SGCD: variants seen among roughly 807,000 people sequenced by gnomAD.
SGCD encodes the protein delta-sarcoglycan.
A neutral mutation model predicts 36.6 loss-of-function variants in SGCD; 18 were observed. The observed-to-expected ratio is 0.49, with a 90% CI of 0.34 to 0.73. The LOEUF (loss-of-function observed/expected upper bound fraction) is 0.73. SGCD is among the 30% of genes least tolerant of loss of function. The probability of loss-of-function intolerance (pLI) is 0.01; values close to 1 mark genes in which losing one functional copy is unlikely to be tolerated. For missense variants in SGCD, 387 were observed against 346.7 expected, an observed-to-expected ratio of 1.12 and a Z score of -0.92; for synonymous variants, 133 against 130.6, an observed-to-expected ratio of 1.02 and a Z score of -0.12.
chr5:156,639,755 C>T (rs1762959705), intron 6 of SGCD, among the ~76,000 whole-genome samples: 1 of 152,054 alleles, frequency 6.6e-6, no homozygotes, highest in South Asian at 2.1e-4. Flanking sequence ...ATAAACTGTT[C>T]CCTCCTTCTT....
intron 3 of SGCD, among the ~76,000 whole-genome samples, chr5:156,350,780 T>C (rs1451459363): frequency 6.6e-6 from 1 of 152,210 alleles, no homozygotes; most frequent in Non-Finnish European, 1.5e-5. Context: ...ATTTATTAAA[T>C]GTCTCTTCTG....
chr5:156,107,928 A>T (rs1761688914), intron 1 of SGCD, among the ~76,000 whole-genome samples: 1 of 152,160 alleles, frequency 6.6e-6, no homozygotes, highest in African/African-American at 2.4e-5. Context: ...GAATGAACAC[A>T]GTTGCCTCTT....
At chr5:156,711,337 G>A (rs1419039945) in intron 7 of SGCD, among the ~76,000 whole-genome samples, 1 of 152,194 alleles carries the variant, frequency 6.6e-6, no homozygotes, top group African/African-American at 2.4e-5. Flanking sequence ...GTGTCCACAT[G>A]GCCACCATTG....
chr5:155,984,965 C>T (rs561051351), intron 1 of SGCD, among the ~76,000 whole-genome samples: 4 of 152,152 alleles, frequency 2.6e-5, no homozygotes, highest in Non-Finnish European at 5.9e-5. Context: ...TAAAACTTAC[C>T]ACTATGCACC....
chr5:155,804,511 G>T, the SGCD span, among the ~76,000 whole-genome samples: 17 of 152,240 alleles, frequency 1.1e-4, no homozygotes, highest in East Asian at 3.1e-3. Context: ...TATCCACTGT[G>T]TGCCTTTCTT....
intron 7 of SGCD, among the ~76,000 whole-genome samples, chr5:156,718,976 C>T (rs1246629457): frequency 6.6e-6 from 1 of 152,144 alleles, no homozygotes; most frequent in African/African-American, 2.4e-5. Flanking sequence ...TCCTCCTCTA[C>T]TGCCTAACCC....
intron 3 of SGCD, among the ~76,000 whole-genome samples, chr5:156,393,260 G>A (rs1771677262): frequency 6.6e-6 from 1 of 152,102 alleles, no homozygotes; most frequent in South Asian, 2.1e-4. Context: ...CAAATGTTAG[G>A]GGTATTTATT....
chr5:155,738,874 TGAGA>T, the SGCD span, among the ~76,000 whole-genome samples: 478 of 148,448 alleles, frequency 3.2e-3, 1 homozygote, highest in South Asian at 7.8e-3. Flanking sequence ...TGAGTGCGTG[TGAGA>T]GAGAGTGTGT....
chr5:156,047,217 A>G (rs1759789122), intron 1 of SGCD, among the ~76,000 whole-genome samples: 1 of 152,200 alleles, frequency 6.6e-6, no homozygotes, highest in African/African-American at 2.4e-5. Flanking sequence ...AACCAACTCC[A>G]TCACATAAGA....
chr5:156,396,447 G>T (rs777054099), intron 3 of SGCD, among the ~76,000 whole-genome samples: 5 of 152,166 alleles, frequency 3.3e-5, no homozygotes, highest in Non-Finnish European at 1.5e-5. Flanking sequence ...TTTTATTGTT[G>T]CAGGGTGGAG....
chr5:155,888,387 C>A (rs949685516), intron 1 of SGCD, among the ~76,000 whole-genome samples: 10 of 152,158 alleles, frequency 6.6e-5, no homozygotes, highest in Admixed American at 6.5e-5. Context: ...GGAGAAATAT[C>A]TTTTATTCAC....
At chr5:156,235,949 G>A (rs1765147144) in intron 3 of SGCD, among the ~76,000 whole-genome samples, 1 of 152,118 alleles carries the variant, frequency 6.6e-6, no homozygotes, top group African/African-American at 2.4e-5. Context: ...GATTCTTGAA[G>A]GTAATGAATA....
intron 3 of SGCD, among the ~76,000 whole-genome samples, chr5:156,269,469 CAAAAAAAAAAAAAAAAAAAAAAAAAA>C (rs60893052): frequency 1.6e-4 from 5 of 30,474 alleles, no homozygotes; most frequent in South Asian, 1.9e-3. Context: ...GACTCCGTCT[CAAAAAAAAAAAAAAAAAAAAAAAAAA>C]AAAAAAAAAA....
Position 156,319,597 on chromosome 5 carries a change from C to G in SGCD, c.-43-9937C>G, listed in dbSNP as rs147350799. Among the ~76,000 whole-genome samples the G allele has an allele frequency of 4.2e-3, 642 of 152,200 alleles. 7 individuals carry two copies. Among genetic ancestry groups the G allele is most frequent in the African/African-American group, 0.015 (607 of 41,520 alleles). Reference sequence around the variant, plus strand: ...AAATTGTATTTTAGGAAGTGAAGCCCCAGCAGTAATTTCCCATAGTGAGTG... The same window carrying G: ...AAATTGTATTTTAGGAAGTGAAGCCGCAGCAGTAATTTCCCATAGTGAGTG... On this transcript the variant is annotated intron_variant, in intron 3 of 9. Coordinates refer to the SGCD transcript ENST00000517913.
At chr5:156,044,222 G>A (rs1371242653) in intron 1 of SGCD, among the ~76,000 whole-genome samples, 1 of 152,132 alleles carries the variant, frequency 6.6e-6, no homozygotes, top group Non-Finnish European at 1.5e-5. Flanking sequence ...AGGTAGGAGG[G>A]AGTGAAATGT....
intron 4 of SGCD, among the ~76,000 whole-genome samples, chr5:156,567,271 A>G (rs1759518265): frequency 6.7e-6 from 1 of 150,152 alleles, no homozygotes; most frequent in Non-Finnish European, 1.5e-5. Flanking sequence ...AAGAGAACCA[A>G]TAGAGTGTGG....
At chr5:155,996,898 TAGATAGATAGAC>T (rs1335433196) in intron 1 of SGCD, among the ~76,000 whole-genome samples, 29 of 149,948 alleles carry the variant, frequency 1.9e-4, no homozygotes, top group Non-Finnish European at 3.7e-4. Context: ...GATAGATAGA[TAGATAGATAGAC>T]AGACAGACAG....
intron 3 of SGCD, among the ~76,000 whole-genome samples, chr5:156,281,986 G>T (rs1223886620): frequency 6.6e-6 from 1 of 151,874 alleles, no homozygotes; most frequent in African/African-American, 2.4e-5. Context: ...AGCCAAGATC[G>T]CGCCACTGCA....
rs559174615 is a variant in SGCD, at chr5:156,152,121, A to C, written c.-44+28102A>C. Among the ~76,000 whole-genome samples, 530 of 151,696 alleles carry C rather than the reference A, an allele frequency of 3.5e-3. 6 individuals carry two copies. Among genetic ancestry groups the C allele is most frequent in the Non-Finnish European group, 6.8e-3 (465 of 67,996 alleles). On this transcript the variant is annotated intron_variant, in intron 3 of 9. Transcript: ENST00000517913. The stretch of plus-strand genomic sequence containing the variant: ...ATTAGTTTACCCCTTTATAATGTTG[A>C]ATAATTGTGAGTTAAAAAAAAACAA...
Sources: gnomAD v4.1 joint callset for allele counts (sites outside exome capture counted in the v4.1 genomes callset) on GRCh38, gnomAD v4.1.1 for gene constraint, MANE v1.5 for transcripts, NCBI Gene and HGNC (gene_info 2026-07-23, HGNC 2026-07-21) for gene names.